HIVEP2: variants seen among roughly 807,000 people sequenced by gnomAD.
HIVEP2 encodes the protein transcription factor HIVEP2.
In HIVEP2, 14 loss-of-function variants were observed where a neutral mutation model predicts 180.7. That is an observed-to-expected ratio of 0.08 (90% CI 0.05 to 0.12). The LOEUF (loss-of-function observed/expected upper bound fraction) is 0.12, where lower values mean the gene tolerates loss of function less well. Ranked by LOEUF, HIVEP2 falls within the 10% of genes least tolerant of loss-of-function variation. The pLI is 1.00. For missense variants in HIVEP2, 2,579 were observed against 3,008.5 expected, an observed-to-expected ratio of 0.86 and a Z score of 3.34; for synonymous variants, 1,184 against 1,136.4, an observed-to-expected ratio of 1.04 and a Z score of -0.84.
At chr6:142,798,445 A>C (rs1205667817) in intron 2 of HIVEP2, among the ~76,000 whole-genome samples, 2 of 152,146 alleles carry the variant, frequency 1.3e-5, no homozygotes, top group African/African-American at 2.4e-5. Context: ...CCTTGCTGTC[A>C]ATAGTGTCAT....
At chr6:142,796,554 T>C (rs971031264) in intron 2 of HIVEP2, among the ~76,000 whole-genome samples, 1 of 152,174 alleles carries the variant, frequency 6.6e-6, no homozygotes. Flanking sequence ...GTTTTCATCA[T>C]CTGTTTACAG....
At chr6:142,860,791 T>C (rs1775958015) in intron 1 of HIVEP2, among the ~76,000 whole-genome samples, 3 of 152,208 alleles carry the variant, frequency 2.0e-5, no homozygotes, top group Admixed American at 6.5e-5. Flanking sequence ...AGACCACTAG[T>C]GATCCGTAGC....
At chr6:142,820,975 C>G (rs1777017880) in intron 2 of HIVEP2, among the ~76,000 whole-genome samples, 1 of 151,496 alleles carries the variant, frequency 6.6e-6, no homozygotes, top group African/African-American at 2.4e-5. Flanking sequence ...TTTTTCAAAA[C>G]ACAAGAATTC....
chr6:142,834,837 GA>G lies in HIVEP2; in HGVS notation c.-528+2097del, dbSNP rs931034658. ...TATTATTTGTAAAAAAAGTTACATT[GA>G]AAAAAAAACCCTCATTTGGGCTAAT... On this transcript the variant is annotated intron_variant, in intron 2 of 9. Coordinates refer to ENST00000367603, the MANE Select transcript of HIVEP2 (RefSeq NM_006734.4). Among the ~76,000 whole-genome samples, 8 of 149,638 alleles carry G rather than the reference GA, an allele frequency of 5.3e-5. No homozygotes were observed. The East Asian group carries it at 7.8e-4, about 15-fold the overall frequency.
intron 1 of HIVEP2, among the ~76,000 whole-genome samples, chr6:142,905,305 C>T (rs371771527): frequency 2.4e-4 from 37 of 151,988 alleles, no homozygotes; most frequent in African/African-American, 8.4e-4. Flanking sequence ...CTATAAATTC[C>T]AAAAGTGCAT....
At chr6:142,785,309 C>CAAAAAAAAAAAA (rs57458259) in intron 2 of HIVEP2, among the ~76,000 whole-genome samples, 17 of 65,396 alleles carry the variant, frequency 2.6e-4, no homozygotes, top group African/African-American at 4.9e-4. Flanking sequence ...TGGCATTCCT[C>CAAAAAAAAAAAA]AAAAAAAAAA....
chr6:142,818,733 AAAAGAAAGAAAGAAAG>A lies in HIVEP2; in HGVS notation c.-528+18186_-528+18201del, dbSNP rs766314719. ...AAAGAAAGAAAGAAAAGAAAGAAAGAAAAGAAAGAAAGAAAGAAAGAAAGAAAGAAAGAAAGAAAGA... is the reference window on the plus strand; with the variant it reads ...AAAGAAAGAAAGAAAAGAAAGAAAGAAAAGAAAGAAAGAAAGAAAGAAAGA... On this transcript the variant is annotated intron_variant, in intron 2 of 9. Coordinates refer to ENST00000367603, the MANE Select transcript of HIVEP2 (RefSeq NM_006734.4). Among the ~76,000 whole-genome samples, 328 of 41,788 alleles carry A rather than the reference AAAAGAAAGAAAGAAAG, an allele frequency of 7.8e-3. 5 individuals carry two copies. Among genetic ancestry groups the A allele is most frequent in the Non-Finnish European group, 9.4e-3 (214 of 22,716 alleles). The allele number at this position is 41,788 out of a possible 152,430, so 27.4% of individuals were successfully genotyped here.
intron 2 of HIVEP2, among the ~76,000 whole-genome samples, chr6:142,790,337 T>C (rs1776108007): frequency 1.3e-5 from 2 of 152,208 alleles, no homozygotes; most frequent in Non-Finnish European, 2.9e-5. Context: ...TTGTGATACA[T>C]TTTCCCATTT....
At chr6:142,864,299 A>G (rs1178374124) in intron 1 of HIVEP2, among the ~76,000 whole-genome samples, 2 of 152,136 alleles carry the variant, frequency 1.3e-5, no homozygotes, top group African/African-American at 4.8e-5. Flanking sequence ...CCTTTAACCA[A>G]GAATTCTAGG....
In HIVEP2 at chr6:142,773,984, T is replaced by C; in HGVS notation, c.755A>G (p.Glu252Gly). Reference sequence around the variant, plus strand: ...TAGGTCCAATTTAGATACAGCTGACTCTGTGAAAGGTACTAATCCTGCCTT... The same window carrying C: ...TAGGTCCAATTTAGATACAGCTGACCCTGTGAAAGGTACTAATCCTGCCTT... Reference protein sequence around the residue: ...AIKAGLVPFTESAVSKLDLEA... With the variant: ...AIKAGLVPFTGSAVSKLDLEA... The change falls in exon 5 of 10, where the codon GAG becomes GGG. Residue 252 changes from glutamate to glycine, a missense_variant. Physicochemically the swap from Glu to Gly is moderately conservative, Grantham distance 98. Around this residue, in one of 11 missense-constraint regions of HIVEP2, gnomAD observed 142 missense variants for 135.2 expected, o/e 1.05. Transcript: ENST00000367603. 6.2e-7 allele frequency: 1 copy of C among 1,614,232 alleles called. No individual in the cohort carries two copies. The highest frequency in any genetic ancestry group is 8.5e-7 in the Non-Finnish European group (1 of 1,180,038).
intron 1 of HIVEP2, among the ~76,000 whole-genome samples, chr6:142,897,968 A>G (rs6900703): frequency 0.58 from 87,651 of 151,876 alleles, 25,485 homozygotes; most frequent in Admixed American, 0.63. Flanking sequence ...CTTAGTACAC[A>G]CCTGCTCTCA....
At chr6:142,883,198 A>G (rs1469617599) in intron 1 of HIVEP2, among the ~76,000 whole-genome samples, 1 of 152,024 alleles carries the variant, frequency 6.6e-6, no homozygotes, top group Non-Finnish European at 1.5e-5. Flanking sequence ...ATGGAGAGAG[A>G]AAGGGGGGAA....
In HIVEP2 at chr6:142,901,606, T is replaced by C. The variant is rs920448652; in HGVS notation, c.-641+43493A>G. ...TTTGTACCTCCTAAGAAATCAGTGA[T>C]TTGACTTCTGCAAAATCAAATGCAA... On this transcript the variant is annotated intron_variant, in intron 1 of 9. Coordinates refer to ENST00000367603, the MANE Select transcript of HIVEP2 (RefSeq NM_006734.4). 2.6e-5 allele frequency among the ~76,000 whole-genome samples: 4 copies of C among 152,226 alleles called. 1 individual carries two copies. Among genetic ancestry groups the C allele is most frequent in the South Asian group, 4.1e-4 (2 of 4,828 alleles).
intron 2 of HIVEP2, among the ~76,000 whole-genome samples, chr6:142,822,161 A>G (rs1777059004): frequency 6.6e-6 from 1 of 152,206 alleles, no homozygotes; most frequent in African/African-American, 2.4e-5. Flanking sequence ...AATCTGCAGT[A>G]AAACACAGGA....
At chr6:142,869,154 C>A (rs941979105) in intron 1 of HIVEP2, among the ~76,000 whole-genome samples, 2 of 152,158 alleles carry the variant, frequency 1.3e-5, no homozygotes, top group African/African-American at 4.8e-5. Context: ...CTACATTGCA[C>A]ATGACAGCCC....
intron 1 of HIVEP2, among the ~76,000 whole-genome samples, chr6:142,857,594 T>C (rs1038154691): frequency 1.3e-5 from 2 of 152,208 alleles, no homozygotes; most frequent in Non-Finnish European, 2.9e-5. Context: ...CAACCCTCTT[T>C]GCAATAACCA....
At chr6:142,758,484 G>A (rs920024569) in intron 9 of HIVEP2, among the ~76,000 whole-genome samples, 1 of 152,200 alleles carries the variant, frequency 6.6e-6, no homozygotes, top group Non-Finnish European at 1.5e-5. Flanking sequence ...TGGCTGTGAA[G>A]GATGGTGCTG....
At chr6:142,879,033 T>C (rs990026953) in intron 1 of HIVEP2, among the ~76,000 whole-genome samples, 1 of 152,136 alleles carries the variant, frequency 6.6e-6, no homozygotes, top group Admixed American at 6.5e-5. Context: ...GAGAAATATA[T>C]ATCCTCACTA....
chr6:142,772,939 C>G lies in HIVEP2; in HGVS notation c.1800G>C (p.Ser600=). 2 of 1,614,144 alleles carry G rather than the reference C, an allele frequency of 1.2e-6. No homozygotes were observed. The highest frequency in any genetic ancestry group is 1.7e-6 in the Non-Finnish European group (2 of 1,180,026). The change falls in exon 5 of 10, where the codon TCG becomes TCC. Residue 600 remains serine, a synonymous_variant. Transcript: ENST00000367603. The surrounding 1 kb of genome is among the most constrained non-coding windows in gnomAD (Gnocchi z 4.9). ...LRRQAAFELP[S]VQEGHVEVEH... ...CGACTTCCACGTGGCCCTCCTGTAC[C>G]GAAGGCAGCTCAAATGCCGCTTGTC...
Sources: gnomAD v4.1 joint callset for allele counts (sites outside exome capture counted in the v4.1 genomes callset) on GRCh38, gnomAD v4.1.1 for gene constraint, gnomAD v4.1.1 regional missense constraint, Gnocchi (gnomAD v3.1) non-coding constraint, MANE v1.5 for transcripts, NCBI Gene and HGNC (gene_info 2026-07-23, HGNC 2026-07-21) for gene names.